ADRA1A: variants seen among roughly 807,000 people sequenced by gnomAD.
The protein encoded by ADRA1A is adrenoceptor alpha 1A.
A neutral mutation model predicts 29.6 loss-of-function variants in ADRA1A; 31 were observed. The observed-to-expected ratio is 1.05, with a 90% CI of 0.79 to 1.41. The LOEUF (loss-of-function observed/expected upper bound fraction) is 1.41. ADRA1A is among the 40% of genes most tolerant of loss of function. The pLI is 0.00. For synonymous variants in ADRA1A, 311 were observed against 254.3 expected, an observed-to-expected ratio of 1.22 and a Z score of -2.12; for missense variants, 619 against 601.1, an observed-to-expected ratio of 1.03 and a Z score of -0.31.
intron 2 of ADRA1A, among the ~76,000 whole-genome samples, chr8:26,757,681 T>C (rs763906786): frequency 2.6e-5 from 4 of 152,188 alleles, no homozygotes; most frequent in African/African-American, 4.8e-5. Context: ...CTGTTCATGA[T>C]TGGGAATTTG....
intron 2 of ADRA1A, among the ~76,000 whole-genome samples, chr8:26,849,402 A>G (rs1013811371): frequency 6.6e-6 from 1 of 152,228 alleles, no homozygotes; most frequent in African/African-American, 2.4e-5. Flanking sequence ...GAGGTTCTCT[A>G]CAACAGGTGC....
At chr8:26,814,910 T>C (rs879509856) in intron 2 of ADRA1A, among the ~76,000 whole-genome samples, 3 of 152,218 alleles carry the variant, frequency 2.0e-5, no homozygotes, top group Non-Finnish European at 4.4e-5. Context: ...TTTTATCTCT[T>C]GAACTGAACC....
chr8:26,769,766 T>C lies in ADRA1A; in HGVS notation c.*383A>G, dbSNP rs1806002446. ...TGAAAATAAAATCCCCTCACTTCCA[T>C]CAAGAAATAGCTCCAAACTTAGAGT... On this transcript the variant is annotated 3_prime_UTR_variant, in exon 3 of 3. Transcript: ENST00000380573. 1.0e-6 allele frequency: 1 copy of C among 997,062 alleles called. No homozygotes were observed. The allele number at this position is 997,062 out of a possible 1,614,324, so 61.8% of individuals were successfully genotyped here.
chr8:26,829,645 T>TA (rs1251573439), intron 2 of ADRA1A, among the ~76,000 whole-genome samples: 1 of 151,980 alleles, frequency 6.6e-6, no homozygotes, highest in African/African-American at 2.4e-5. Flanking sequence ...CTCAAAGAAA[T>TA]ACAGCTCCAA....
At chr8:26,808,462 A>G (rs182829050) in intron 2 of ADRA1A, among the ~76,000 whole-genome samples, 1 of 152,242 alleles carries the variant, frequency 6.6e-6, no homozygotes, top group African/African-American at 2.4e-5. Flanking sequence ...CTTTTACCTG[A>G]TTGTTGATGC....
chr8:26,861,774 C>T (rs1813486268), intron 2 of ADRA1A, among the ~76,000 whole-genome samples: 1 of 152,116 alleles, frequency 6.6e-6, no homozygotes, highest in South Asian at 2.1e-4. Context: ...CCTAAACCTA[C>T]CTATTTCTCA....
At chr8:26,793,816 A>G (rs1473064557) in intron 2 of ADRA1A, among the ~76,000 whole-genome samples, 2 of 152,016 alleles carry the variant, frequency 1.3e-5, no homozygotes, top group African/African-American at 4.8e-5. Flanking sequence ...TTATCCTTAG[A>G]AACTGTTGGA....
intron 2 of ADRA1A, among the ~76,000 whole-genome samples, chr8:26,845,963 T>G (rs937149093): frequency 6.6e-6 from 1 of 152,182 alleles, no homozygotes; most frequent in Non-Finnish European, 1.5e-5. Context: ...GATTTCATTC[T>G]GGGGTCATGA....
intron 2 of ADRA1A, among the ~76,000 whole-genome samples, chr8:26,826,368 G>A (rs917494657): frequency 1.8e-4 from 28 of 152,250 alleles, no homozygotes; most frequent in Admixed American, 4.6e-4. Flanking sequence ...GCATCCAGAG[G>A]GCAATGGCAG....
chr8:26,804,779 A>G (rs1411584828), intron 2 of ADRA1A, among the ~76,000 whole-genome samples: 1 of 152,208 alleles, frequency 6.6e-6, no homozygotes, highest in East Asian at 1.9e-4. Flanking sequence ...TGCTTCGAGG[A>G]TGGTTATGTC....
chr8:26,776,914 G>A (rs1044679980), intron 2 of ADRA1A, among the ~76,000 whole-genome samples: 1 of 152,176 alleles, frequency 6.6e-6, no homozygotes, highest in African/African-American at 2.4e-5. Context: ...TGGTCTCTCC[G>A]ATGTGCCTGG....
chr8:26,781,825 G>A (rs921601599), intron 2 of ADRA1A, among the ~76,000 whole-genome samples: 14 of 152,358 alleles, frequency 9.2e-5, no homozygotes, highest in African/African-American at 3.4e-4. Context: ...AGGAGGAAGT[G>A]TGAGGCTTTT....
At chr8:26,819,275 A>G (rs1393254218) in intron 2 of ADRA1A, among the ~76,000 whole-genome samples, 1 of 152,226 alleles carries the variant, frequency 6.6e-6, no homozygotes, top group Non-Finnish European at 1.5e-5. Context: ...ATTCTTCACC[A>G]TGAAACTGCC....
rs540199635 is a variant in ADRA1A, at chr8:26,776,489, C to T, written c.884-5823G>A. Among the ~76,000 whole-genome samples the T allele has an allele frequency of 7.2e-4, 110 of 152,334 alleles. 1 individual carries two copies. The highest frequency in any genetic ancestry group is 1.4e-3 in the Non-Finnish European group (93 of 68,034). On this transcript the variant is annotated intron_variant, in intron 2 of 2. Coordinates refer to ENST00000380573, the MANE Select transcript of ADRA1A (RefSeq NM_000680.4). ...GCACTTAGAGATCAGAGCTGTCAAC[C>T]TGTCCTTTATATGTGAAGACAGCAA...
chr8:26,769,576 C>G lies in ADRA1A; in HGVS notation c.*573G>C, dbSNP rs1805986797. On this transcript the variant is annotated 3_prime_UTR_variant, in exon 3 of 3. Transcript: ENST00000380573. ...AAAGTGCAGTCAAAGGTAAACCTCACTGCCAAGTTTCCCTCAAGCTGAGAA... is the reference window on the plus strand; with the variant it reads ...AAAGTGCAGTCAAAGGTAAACCTCAGTGCCAAGTTTCCCTCAAGCTGAGAA... The G allele has an allele frequency of 1.0e-6, 1 of 985,460 alleles. No homozygotes were observed. The highest frequency in any genetic ancestry group is 1.7e-5 in the African/African-American group (1 of 57,256). 61.0% of individuals were successfully genotyped at this position (985,460 alleles called of 1,614,324 possible).
intron 2 of ADRA1A, among the ~76,000 whole-genome samples, chr8:26,791,011 C>G (rs1032838878): frequency 6.6e-6 from 1 of 152,124 alleles, no homozygotes; most frequent in African/African-American, 2.4e-5. Flanking sequence ...CACACTCACA[C>G]ACACACAATA....
At chr8:26,780,294 A>G (rs1806869193) in intron 2 of ADRA1A, among the ~76,000 whole-genome samples, 1 of 152,108 alleles carries the variant, frequency 6.6e-6, no homozygotes, top group Non-Finnish European at 1.5e-5. Context: ...ACAAATGCCT[A>G]TGTTGGAGGC....
chr8:26,861,846 A>G (rs1813495111), intron 2 of ADRA1A, among the ~76,000 whole-genome samples: 1 of 152,066 alleles, frequency 6.6e-6, no homozygotes, highest in Non-Finnish European at 1.5e-5. Context: ...ATCACGTCTT[A>G]CCACCTCTAC....
At chr8:26,845,642 T>C (rs1020764228) in intron 2 of ADRA1A, among the ~76,000 whole-genome samples, 5 of 152,212 alleles carry the variant, frequency 3.3e-5, no homozygotes, top group African/African-American at 1.2e-4. Flanking sequence ...TGGATGTTCA[T>C]AGCAATGCTA....
Sources: allele counts gnomAD v4.1 joint callset (sites outside exome capture counted in the v4.1 genomes callset), GRCh38; gene constraint gnomAD v4.1.1; transcripts MANE v1.5; gene names NCBI Gene and HGNC (gene_info 2026-07-23, HGNC 2026-07-21).